COL4A4: variants seen among roughly 807,000 people sequenced by gnomAD.
COL4A4 encodes the protein collagen alpha-4(IV) chain.
Under a neutral mutation model 192.9 loss-of-function variants are expected in COL4A4, and 105 were observed. The ratio of observed to expected loss-of-function variants is 0.54; its 90% CI spans 0.46 to 0.64. COL4A4 has a LOEUF of 0.64. Ranked by LOEUF, COL4A4 falls within the 30% of genes least tolerant of loss-of-function variation. COL4A4 has a pLI of 0.00. For missense variants in COL4A4, 1,967 were observed against 2,169.3 expected (o/e 0.91, Z 1.85); for synonymous variants, 762 against 769.9 (o/e 0.99, Z 0.17).
chr2:227,074,358 T>C (rs1029145420), intron 25 of COL4A4, among the ~76,000 whole-genome samples: 1 of 152,126 alleles, frequency 6.6e-6, no homozygotes, highest in East Asian at 1.9e-4. Context: ...AGATATTGCC[T>C]TACTCCTGCA....
chr2:227,116,296 A>C (rs1180086831), intron 7 of COL4A4, among the ~76,000 whole-genome samples: 1 of 152,188 alleles, frequency 6.6e-6, no homozygotes, highest in Non-Finnish European at 1.5e-5. Flanking sequence ...TGAGGAAGGA[A>C]CTCAGATAAA....
intron 20 of COL4A4, among the ~76,000 whole-genome samples, chr2:227,090,508 G>A (rs2059857313): frequency 6.6e-6 from 1 of 152,098 alleles, no homozygotes; most frequent in Non-Finnish European, 1.5e-5. Context: ...CAGCACTTTG[G>A]GAGACCAAGG....
chr2:227,147,600 A>G lies in COL4A4; in HGVS notation c.-101-16T>C. 2 of 828,566 alleles carry G rather than the reference A, an allele frequency of 2.4e-6. No individual in the cohort carries two copies. The highest frequency in any genetic ancestry group is 2.7e-5 in the South Asian group (2 of 74,702). The allele number at this position is 828,566 out of a possible 1,614,324, so 51.3% of individuals were successfully genotyped here. A position where few individuals can be genotyped will look rare whatever the true frequency, so the allele number is the denominator to read the frequency against. On this transcript the variant is annotated splice_polypyrimidine_tract_variant and intron_variant, in intron 1 of 47. Coordinates refer to ENST00000396625, the MANE Select transcript of COL4A4 (RefSeq NM_000092.5). ...AAGTCTGTTCCTGTTAGATATAAAT[A>G]TATCACTTAAAACACAGCATGCATT...
intron 1 of COL4A4, among the ~76,000 whole-genome samples, chr2:227,149,087 G>A (rs1017166009): frequency 1.3e-5 from 2 of 152,108 alleles, no homozygotes; most frequent in Non-Finnish European, 2.9e-5. Context: ...GACCTCAGGT[G>A]ATCAGCCTGC....
rs1285000618 is a variant in COL4A4 at position 227,123,175 on chromosome 2, C to T, written c.193-2027G>A. Among the ~76,000 whole-genome samples, 2 of 152,166 alleles carry T rather than the reference C, an allele frequency of 1.3e-5. No individual in the cohort carries two copies. The highest frequency in any genetic ancestry group is 1.3e-4 in the Admixed American group (2 of 15,262). On this transcript the variant is annotated intron_variant, in intron 4 of 47. Transcript: ENST00000396625. This position sits in a 1 kb window ranked among gnomAD's most constrained non-coding sequence, Gnocchi z 4.6. ...GCCACCATGCCCAGGTGGGATGTCA[C>T]TTTAGATAGTGCTGCTGGCCTTGGC...
chr2:227,051,285 A>G, intron 32 of COL4A4, 127 bp from the exon 33 acceptor site: 3 of 952,588 alleles, frequency 3.1e-6, no homozygotes, highest in Non-Finnish European at 5.1e-6. Flanking sequence ...TTGCTGTCCC[A>G]AGCCGCTTCC....
chr2:227,073,938 A>G (rs762767696), intron 25 of COL4A4, among the ~76,000 whole-genome samples: 3 of 152,206 alleles, frequency 2.0e-5, no homozygotes, highest in Non-Finnish European at 4.4e-5. Flanking sequence ...ACCTGAAACT[A>G]TCAAAATTCT....
chr2:226,982,883 T>C, the COL4A4 span, among the ~76,000 whole-genome samples: 2 of 152,228 alleles, frequency 1.3e-5, no homozygotes, highest in Admixed American at 6.5e-5. Context: ...TACTCCAGTG[T>C]CATCACAAAT....
intron 19 of COL4A4, among the ~76,000 whole-genome samples, chr2:227,096,964 T>A (rs2060236894): frequency 6.6e-6 from 1 of 152,160 alleles, no homozygotes; most frequent in African/African-American, 2.4e-5. Context: ...TTAACAATAA[T>A]ATCTATCATA....
rs752715532 is a variant in COL4A4 at position 227,098,809 on chromosome 2, TA to T, written c.1100-12del. ...GGTCCCCTGGTGGGCCTGCCAAAGA[TA>T]ATGGTACATGAGAATAAACAAATGG... On this transcript the variant is annotated splice_polypyrimidine_tract_variant and intron_variant, in intron 18 of 47. Transcript: ENST00000396625. 3 of 1,598,590 alleles carry T rather than the reference TA, an allele frequency of 1.9e-6. No homozygotes were observed. The Admixed American group carries it at 5.0e-5, about 27-fold the overall frequency.
At position 227,126,904 on chromosome 2, in the gene COL4A4, G is replaced by C. The variant is rs1039865810; in HGVS notation, c.193-5756C>G. On this transcript the variant is annotated intron_variant, in intron 4 of 47. Transcript: ENST00000396625. ...AATATGTAGGCTTACTTTTTCATAA[G>C]GTTATAATAGAATTCACTTCAGGAC... Among the ~76,000 whole-genome samples, 82 of 152,138 alleles carry C rather than the reference G, an allele frequency of 5.4e-4. 1 individual carries two copies. Among genetic ancestry groups the C allele is most frequent in the Non-Finnish European group, 1.5e-4 (10 of 68,028 alleles).
At position 227,080,490 on chromosome 2, in the gene COL4A4, G is replaced by T. The variant is rs757624919; in HGVS notation, c.1756C>A (p.His586Asn). The T allele has an allele frequency of 8.7e-6, 14 of 1,614,156 alleles. No individual in the cohort carries two copies. The highest frequency in any genetic ancestry group is 3.3e-4 in the Middle Eastern group (2 of 6,058). ...TCTCCAGCATGTCCATCCCGACCAT[G>T]TGATCCTGGCTGCCCTGGAAATCCT... Reference protein sequence around the residue: ...PPGFPGQPGSHGRDGHAGEKG... With the variant: ...PPGFPGQPGSNGRDGHAGEKG... The change falls in exon 24 of 48, where the codon CAT becomes AAT. Residue 586 changes from histidine to asparagine, a missense_variant. By Grantham distance (68) the His-to-Asn change is moderately conservative (BLOSUM62 1). Transcript: ENST00000396625.
In COL4A4 at chr2:227,062,537, T is replaced by C. The variant is rs377610892; in HGVS notation, c.2049A>G (p.Gly683=). The C allele has an allele frequency of 6.3e-6, 10 of 1,595,576 alleles. No homozygotes were observed. The highest frequency in any genetic ancestry group is 7.7e-6 in the Non-Finnish European group (9 of 1,163,620). Residue 683 remains glycine, a synonymous_variant, in exon 26 of 48, where the codon GGA becomes GGG. Coordinates refer to ENST00000396625, the MANE Select transcript of COL4A4 (RefSeq NM_000092.5). ...PGRHGPPGFD[G]PPGPKGFPGP... ...ACTTCTCATTGATAATACCTGGAGG[T>C]CCATCAAAACCTGGAGGGCCATGCC...
the COL4A4 span, among the ~76,000 whole-genome samples, chr2:226,981,451 A>G: frequency 6.6e-6 from 1 of 151,482 alleles, no homozygotes; most frequent in East Asian, 1.9e-4. Flanking sequence ...AAAAAAAAAG[A>G]TGTTAGTTTT....
the COL4A4 span, among the ~76,000 whole-genome samples, chr2:226,972,407 C>T: frequency 6.6e-6 from 1 of 152,284 alleles, no homozygotes; most frequent in South Asian, 2.1e-4. Flanking sequence ...CAGGGATTAC[C>T]TAAAGAGCAG....
At chr2:227,065,256 C>T (rs556866944) in intron 25 of COL4A4, among the ~76,000 whole-genome samples, 21 of 152,366 alleles carry the variant, frequency 1.4e-4, no homozygotes. Context: ...TGATTGCTAG[C>T]ACAGCAGTCT....
rs950336223 is a variant in COL4A4 at position 227,036,180 on chromosome 2, CT to C, written c.3506-2700del. ...AACCATCATTTAAGGCTGCAGCACA[CT>C]GCACTTTCAGGCTGGGTGCTCTTTC... On this transcript the variant is annotated intron_variant, in intron 37 of 47. Coordinates refer to ENST00000396625, the MANE Select transcript of COL4A4 (RefSeq NM_000092.5). 9.9e-5 allele frequency among the ~76,000 whole-genome samples: 15 copies of C among 152,208 alleles called. 1 individual carries two copies. The highest frequency in any genetic ancestry group is 2.1e-4 in the Non-Finnish European group (14 of 68,028).
At chr2:227,094,343 T>C in intron 19 of COL4A4, 54 bp from the exon 20 acceptor site, 1 of 1,566,192 alleles carries the variant, frequency 6.4e-7, no homozygotes, top group Non-Finnish European at 8.7e-7. Context: ...TAAACGTCTC[T>C]GTAGAAGAAA....
chr2:227,033,582 GGC>G, intron 37 of COL4A4, 101 bp from the exon 38 acceptor site: 1 of 1,002,892 alleles, frequency 1.0e-6, no homozygotes, highest in Non-Finnish European at 1.5e-6. Flanking sequence ...GCGTTGCTGG[GGC>G]CAGCAAACAG....
Sources: gnomAD v4.1 joint callset for allele counts (sites outside exome capture counted in the v4.1 genomes callset) on GRCh38, gnomAD v4.1.1 for gene constraint, Gnocchi (gnomAD v3.1) non-coding constraint, MANE v1.5 for transcripts, NCBI Gene and HGNC (gene_info 2026-07-23, HGNC 2026-07-21) for gene names.